The following QKI variants were observed in gnomAD, a reference collection of about 807,000 sequenced individuals.
The protein encoded by QKI is QKI, KH domain containing RNA binding, also known as KH domain-containing RNA-binding protein QKI.
A neutral mutation model predicts 39.0 loss-of-function variants in QKI; 10 were observed. That is an observed-to-expected ratio of 0.26 (90% CI 0.16 to 0.43). The LOEUF (loss-of-function observed/expected upper bound fraction) is 0.43. Among genes scored for constraint, QKI ranks in the 20% least tolerant of loss-of-function variants. QKI has a pLI of 1.00. For missense variants in QKI, 218 were observed against 428.0 expected, an observed-to-expected ratio of 0.51 and a Z score of 4.33; for synonymous variants, 204 against 155.4, an observed-to-expected ratio of 1.31 and a Z score of -2.33.
intron 1 of QKI, among the ~76,000 whole-genome samples, chr6:163,433,590 T>A (rs750039592): frequency 4.6e-5 from 7 of 151,868 alleles, no homozygotes; most frequent in Non-Finnish European, 8.8e-5. Flanking sequence ...CATAGTGAAA[T>A]CCCATCTCTA....
At chr6:163,418,443 C>G (rs1787718392) in intron 1 of QKI, among the ~76,000 whole-genome samples, 1 of 152,094 alleles carries the variant, frequency 6.6e-6, no homozygotes, top group Non-Finnish European at 1.5e-5. Context: ...TGTATCTTGA[C>G]TGTGGACAGT....
Position 163,415,185 on chromosome 6 carries a change from G to A in QKI, c.-9G>A, listed in dbSNP as rs1787335432. ...GGCGGCGGGCGGAGTGAGCTGCGGA[G>A]CCTGGAATATGGTCGGGGAAATGGA... On this transcript the variant is annotated 5_prime_UTR_variant, in exon 1 of 8. Coordinates refer to ENST00000361752, the MANE Select transcript of QKI (RefSeq NM_006775.3). 1.3e-6 allele frequency: 2 copies of A among 1,548,432 alleles called. No homozygotes were observed. Among genetic ancestry groups the A allele is most frequent in the Non-Finnish European group, 8.8e-7 (1 of 1,141,642 alleles).
chr6:163,480,253 G>GTC (rs1158709834), intron 3 of QKI, among the ~76,000 whole-genome samples: 1 of 151,950 alleles, frequency 6.6e-6, no homozygotes, highest in Non-Finnish European at 1.5e-5. Flanking sequence ...CTGTCTGTCT[G>GTC]TCTCTTTCTC....
chr6:163,565,567 A>G (rs1783312328), intron 6 of QKI: 2 of 990,084 alleles, frequency 2.0e-6, no homozygotes, highest in Admixed American at 5.9e-5. Context: ...ACTTATAGAA[A>G]CTTAATTATT....
intron 4 of QKI, among the ~76,000 whole-genome samples, chr6:163,557,104 T>C (rs1415385219): frequency 1.3e-5 from 2 of 152,140 alleles, no homozygotes; most frequent in East Asian, 1.9e-4. Context: ...AGCAGAAGAA[T>C]AGATAAATAA....
At chr6:163,490,658 C>A (rs990279448) in intron 3 of QKI, among the ~76,000 whole-genome samples, 9 of 152,090 alleles carry the variant, frequency 5.9e-5, no homozygotes, top group African/African-American at 2.2e-4. Context: ...GATAAAGGAC[C>A]ATGAACCTTA....
At chr6:163,491,124 A>G (rs1001649588) in intron 3 of QKI, among the ~76,000 whole-genome samples, 2 of 152,182 alleles carry the variant, frequency 1.3e-5, no homozygotes, top group East Asian at 1.9e-4. Flanking sequence ...AAGACCCGCT[A>G]TCCTTTTCAG....
At chr6:163,416,998 A>G (rs1787568202) in intron 1 of QKI, among the ~76,000 whole-genome samples, 1 of 152,158 alleles carries the variant, frequency 6.6e-6, no homozygotes, top group Non-Finnish European at 1.5e-5. Flanking sequence ...TTTTTTAACC[A>G]TGGAAATGGT....
chr6:163,511,381 A>C (rs1779467483), intron 3 of QKI, among the ~76,000 whole-genome samples: 2 of 152,134 alleles, frequency 1.3e-5, no homozygotes, highest in African/African-American at 4.8e-5. Flanking sequence ...CTTGAAATAG[A>C]ATACGGACAA....
chr6:163,443,589 C>A (rs146857934), intron 1 of QKI, among the ~76,000 whole-genome samples: 3 of 151,256 alleles, frequency 2.0e-5, no homozygotes, highest in Admixed American at 2.0e-4. Context: ...AACAACAACT[C>A]CTCTTGGCTT....
intron 3 of QKI, among the ~76,000 whole-genome samples, chr6:163,490,827 C>G (rs560920615): frequency 3.4e-4 from 52 of 152,220 alleles, no homozygotes; most frequent in African/African-American, 1.3e-3. Flanking sequence ...GACAAATGAT[C>G]AAGTCTCACA....
At chr6:163,528,648 T>TC (rs1352425523) in intron 3 of QKI, among the ~76,000 whole-genome samples, 1 of 152,170 alleles carries the variant, frequency 6.6e-6, no homozygotes, top group Non-Finnish European at 1.5e-5. Context: ...TTGCTTATCA[T>TC]CACCTAAGTC....
At chr6:163,432,268 T>C (rs1252245566) in intron 1 of QKI, among the ~76,000 whole-genome samples, 1 of 152,148 alleles carries the variant, frequency 6.6e-6, no homozygotes, top group Non-Finnish European at 1.5e-5. Flanking sequence ...AGACAAAGGC[T>C]CTCCTAGGTA....
chr6:163,497,206 G>A (rs1380741898), intron 3 of QKI, among the ~76,000 whole-genome samples: 1 of 152,048 alleles, frequency 6.6e-6, no homozygotes, highest in Non-Finnish European at 1.5e-5. Context: ...CCTTTACCTT[G>A]TTCAGTAGTT....
rs576075731 is a variant in QKI, at chr6:163,420,177, G to GT, written c.142+4849dup. The stretch of plus-strand genomic sequence containing the variant: ...TTCTTTTTTTTTTTTTTTTTTGGTG[G>GT]TTTTTTTCTTTCCTTTTTTTTTTTT... On this transcript the variant is annotated intron_variant, in intron 1 of 7. Transcript: ENST00000361752. Among the ~76,000 whole-genome samples, 296 of 131,882 alleles carry GT rather than the reference G, an allele frequency of 2.2e-3. 2 individuals are homozygous for GT. The highest frequency in any genetic ancestry group is 7.8e-3 in the African/African-American group (271 of 34,766). The allele number at this position is 131,882 out of a possible 152,430, so 86.5% of individuals were successfully genotyped here.
intron 3 of QKI, among the ~76,000 whole-genome samples, chr6:163,479,451 A>G (rs924954254): frequency 3.3e-5 from 5 of 152,102 alleles, no homozygotes; most frequent in African/African-American, 1.2e-4. Flanking sequence ...GGCTCACTGC[A>G]GCCTCCGCTT....
At chr6:163,520,081 A>G (rs1007825561) in intron 3 of QKI, among the ~76,000 whole-genome samples, 5 of 152,174 alleles carry the variant, frequency 3.3e-5, no homozygotes, top group South Asian at 2.1e-4. Context: ...TTTTGATTCT[A>G]TAGTTATATG....
At chr6:163,492,792 A>G (rs763027290) in intron 3 of QKI, among the ~76,000 whole-genome samples, 1 of 152,204 alleles carries the variant, frequency 6.6e-6, no homozygotes, top group Admixed American at 6.5e-5. Flanking sequence ...ACGGATGCCT[A>G]TATGGATGCT....
intron 6 of QKI, 165 bp downstream of exon 6, chr6:163,563,884 C>T (rs767096819): frequency 2.3e-4 from 327 of 1,422,440 alleles, no homozygotes; most frequent in Non-Finnish European, 2.8e-4. Context: ...AAGGGTTCCC[C>T]TTTGAAATAA....
Sources: allele counts gnomAD v4.1 joint callset (sites outside exome capture counted in the v4.1 genomes callset), GRCh38; gene constraint gnomAD v4.1.1; transcripts MANE v1.5; gene names NCBI Gene and HGNC (gene_info 2026-07-23, HGNC 2026-07-21).